PDCD4: variants seen among roughly 807,000 people sequenced by gnomAD.
PDCD4 encodes programmed cell death 4, also known as programmed cell death protein 4.
A neutral mutation model predicts 54.0 loss-of-function variants in PDCD4; 56 were observed. The ratio of observed to expected loss-of-function variants is 1.04; its 90% CI spans 0.84 to 1.30. PDCD4 has a LOEUF of 1.30. Ranked by LOEUF, PDCD4 falls within the 50% of genes most tolerant of loss-of-function variation. The pLI, the probability that PDCD4 is intolerant of heterozygous loss-of-function variation, is 0.00. For synonymous variants in PDCD4, 186 were observed against 194.8 expected (o/e 0.95, Z 0.37); for missense variants, 584 against 559.8 (o/e 1.04, Z -0.44).
At position 110,881,417 on chromosome 10, in the gene PDCD4, G is replaced by A. The variant is rs372715017; in HGVS notation, c.228G>A (p.Ser76=). 61 of 1,614,196 alleles carry A rather than the reference G, an allele frequency of 3.8e-5. No individual in the cohort carries two copies. The African/African-American group carries it at 5.5e-4, about 14-fold the overall frequency. ...NSSRDSGRGD[S]VSDSGSDALR... is the part of the protein sequence containing the mutation. ...CCCGGGACTCTGGCAGAGGCGATTCGGTCAGCGACAGTGGGAGTGACGCCC... is the reference window on the plus strand; with the variant it reads ...CCCGGGACTCTGGCAGAGGCGATTCAGTCAGCGACAGTGGGAGTGACGCCC... Residue 76 remains serine (S), a synonymous_variant, in exon 3 of 12, where the codon TCG becomes TCA. Transcript: ENST00000280154.
At chr10:110,888,549 CAGAA>C (rs973841315) in intron 6 of PDCD4, among the ~76,000 whole-genome samples, 3 of 151,888 alleles carry the variant, frequency 2.0e-5, no homozygotes, top group Non-Finnish European at 2.9e-5. Flanking sequence ...AAATAAAAGC[CAGAA>C]AGAAGAAAGG....
At position 110,881,239 on chromosome 10, in the gene PDCD4, ATAACT is replaced by A. The variant is rs776395164; in HGVS notation, c.54_58del (p.Asn18LysfsTer2). The A allele has an allele frequency of 9.3e-6, 15 of 1,608,830 alleles. No homozygotes were observed. The highest frequency in any genetic ancestry group is 1.1e-5 in the South Asian group (1 of 90,476). On this transcript the variant is annotated frameshift_variant, in exon 3 of 12. Transcript: ENST00000280154. LOFTEE classifies it high-confidence loss of function. ...CTTCATTTTTCTCTTTAAGATCCTGATAACTTAAGTGACTCTCTCTTTTCCGGTGA... is the reference window on the plus strand; with the variant it reads ...CTTCATTTTTCTCTTTAAGATCCTGATAAGTGACTCTCTCTTTTCCGGTGA...
intron 3 of PDCD4, among the ~76,000 whole-genome samples, chr10:110,882,357 T>C (rs1312621766): frequency 2.0e-5 from 3 of 152,328 alleles, no homozygotes; most frequent in Non-Finnish European, 2.9e-5. Context: ...CCTTAAAACA[T>C]TTCAGTAAGT....
Position 110,896,101 on chromosome 10 carries a change from A to G in PDCD4, c.1349+14A>G, listed in dbSNP as rs1417755236. On this transcript the variant is annotated intron_variant, in intron 11 of 11. Transcript: ENST00000280154. ...TTGTCCTTCAAGGTACTTTATTTAA[A>G]TACTACTTTCTCAATGTAAAATAGT... 1.9e-6 allele frequency: 3 copies of G among 1,567,272 alleles called. No homozygotes were observed. Among genetic ancestry groups the G allele is most frequent in the African/African-American group, 2.8e-5 (2 of 72,410 alleles).
chr10:110,872,560 CG>C (rs1172333048), intron 1 of PDCD4, among the ~76,000 whole-genome samples: 1 of 152,190 alleles, frequency 6.6e-6, no homozygotes, highest in Non-Finnish European at 1.5e-5. Flanking sequence ...GGGGCCGACC[CG>C]GGCTGGGACT....
intron 2 of PDCD4, chr10:110,876,685 T>A: frequency 8.2e-7 from 1 of 1,226,822 alleles, no homozygotes; most frequent in South Asian, 2.6e-5. Context: ...TTTCCCTAAT[T>A]CTCCATGGTG....
chr10:110,897,357 T>C (rs974682327), intron 11 of PDCD4, among the ~76,000 whole-genome samples: 3 of 152,238 alleles, frequency 2.0e-5, no homozygotes, highest in African/African-American at 7.2e-5. Context: ...TTGTGCCTAT[T>C]GGCCTGGGGT....
At chr10:110,888,492 T>G (rs1845704644) in intron 6 of PDCD4, among the ~76,000 whole-genome samples, 1 of 152,176 alleles carries the variant, frequency 6.6e-6, no homozygotes, top group Admixed American at 6.5e-5. Context: ...TACACATACT[T>G]TAAGAAAATG....
chr10:110,891,768 GT>G (rs1845761629), intron 8 of PDCD4, among the ~76,000 whole-genome samples: 1 of 152,118 alleles, frequency 6.6e-6, no homozygotes, highest in African/African-American at 2.4e-5. Flanking sequence ...AGATGAGTCA[GT>G]GTTTGTAATG....
At chr10:110,876,351 C>T (rs1200223458) in intron 2 of PDCD4, among the ~76,000 whole-genome samples, 1 of 152,124 alleles carries the variant, frequency 6.6e-6, no homozygotes. Flanking sequence ...AGCTTCAGAC[C>T]ATTCCATATT....
At chr10:110,881,578 GA>G in intron 3 of PDCD4, 43 bp downstream of exon 3, 6 of 1,519,836 alleles carry the variant, frequency 3.9e-6, no homozygotes, top group Admixed American at 2.0e-5. Context: ...TAAACAAGTG[GA>G]AAAAAATTGT....
intron 2 of PDCD4, 68 bp from the exon 3 acceptor site, chr10:110,881,165 C>A (rs1455050090): frequency 6.0e-6 from 7 of 1,165,036 alleles, no homozygotes; most frequent in Middle Eastern, 2.0e-4. Context: ...ATCTAACTTA[C>A]CACTATATCT....
intron 1 of PDCD4, among the ~76,000 whole-genome samples, chr10:110,873,847 CTTTGTT>C (rs1233614284): frequency 9.9e-5 from 15 of 152,140 alleles, no homozygotes; most frequent in Non-Finnish European, 1.2e-4. Flanking sequence ...ATTAAGATAA[CTTTGTT>C]TTTATCTTAA....
At chr10:110,875,568 GGTAGGGAACTATCCA>G (rs1371457659) in intron 1 of PDCD4, among the ~76,000 whole-genome samples, 1 of 152,056 alleles carries the variant, frequency 6.6e-6, no homozygotes, top group East Asian at 1.9e-4. Context: ...ATAATTCATT[GGTAGGGAACTATCCA>G]GTATTTATAT....
At chr10:110,881,140 A>C in intron 2 of PDCD4, 93 bp from the exon 3 acceptor site, 1 of 867,588 alleles carries the variant, frequency 1.2e-6, no homozygotes, top group Non-Finnish European at 1.8e-6. Context: ...TGGTAATGTC[A>C]TGTGATTCAA....
chr10:110,886,389 T>C (rs115971223), intron 5 of PDCD4, among the ~76,000 whole-genome samples: 320 of 152,276 alleles, frequency 2.1e-3, no homozygotes, highest in African/African-American at 7.3e-3. Flanking sequence ...CCAGTTAAGA[T>C]AGTTTTCCAG....
intron 4 of PDCD4, 50 bp from the exon 5 acceptor site, chr10:110,885,199 CTTGT>C: frequency 1.2e-6 from 1 of 800,394 alleles, no homozygotes; most frequent in Non-Finnish European, 2.1e-6. Flanking sequence ...AACAATTTCA[CTTGT>C]TTATTTGCAT....
In PDCD4 at chr10:110,898,167, T is replaced by TTC; in HGVS notation, c.*80_*81insCT. ...AGAGTTGTTAGCACAAGTTTTTTTT[T>TTC]TTTTTTTTTTTAAGCACTTGTTTTG... On this transcript the variant is annotated 3_prime_UTR_variant, in exon 12 of 12. Coordinates refer to ENST00000280154, the MANE Select transcript of PDCD4 (RefSeq NM_014456.5). The TTC allele has an allele frequency of 1.2e-6, 1 of 830,524 alleles. No individual in the cohort carries two copies. The highest frequency in any genetic ancestry group is 1.7e-6 in the Non-Finnish European group (1 of 572,564). 51.4% of individuals were successfully genotyped at this position (830,524 alleles called of 1,614,324 possible).
At position 110,894,534 on chromosome 10, in the gene PDCD4, A is replaced by G. The variant is rs547231023; in HGVS notation, c.1209+12A>G. ...ACCAAATGAAAAGAGTAAGTATAAC[A>G]TTGTTTTTGAACAACTTGTAGGATT... is the stretch of plus-strand genomic sequence containing the variant. On this transcript the variant is annotated intron_variant, in intron 10 of 11. Transcript: ENST00000280154. The G allele has an allele frequency of 1.8e-6, 2 of 1,100,516 alleles. No individual in the cohort carries two copies. The highest frequency in any genetic ancestry group is 4.7e-5 in the East Asian group (2 of 42,400). 68.2% of individuals were successfully genotyped at this position (1,100,516 alleles called of 1,614,324 possible). A position where few individuals can be genotyped will look rare whatever the true frequency, so the allele number is the denominator to read the frequency against.
Sources: gnomAD v4.1 joint callset for allele counts (sites outside exome capture counted in the v4.1 genomes callset) on GRCh38, gnomAD v4.1.1 for gene constraint, MANE v1.5 for transcripts, NCBI Gene and HGNC (gene_info 2026-07-23, HGNC 2026-07-21) for gene names.